Variants in SHC4 observed in about 807,000 individuals in gnomAD.
The protein encoded by SHC4 is SHC-transforming protein 4.
Under a neutral mutation model 69.4 loss-of-function variants are expected in SHC4, and 41 were observed. The observed-to-expected ratio is 0.59, with a 90% CI of 0.46 to 0.77. The LOEUF is 0.77. Among genes scored for constraint, SHC4 ranks in the 30% least tolerant of loss-of-function variants. The pLI, the probability that SHC4 is intolerant of heterozygous loss-of-function variation, is 0.00. For missense variants in SHC4, 777 were observed against 783.8 expected, an observed-to-expected ratio of 0.99 and a Z score of 0.10; for synonymous variants, 318 against 299.3, an observed-to-expected ratio of 1.06 and a Z score of -0.64.
chr15:48,868,786 G>A (rs373278301), intron 5 of SHC4, among the ~76,000 whole-genome samples: 28 of 152,270 alleles, frequency 1.8e-4, no homozygotes, highest in Admixed American at 1.0e-3. Flanking sequence ...AGCATAACTC[G>A]TCTTGGGCAA....
intron 11 of SHC4, among the ~76,000 whole-genome samples, chr15:48,832,107 C>T (rs190889757): frequency 2.6e-5 from 4 of 152,178 alleles, no homozygotes; most frequent in Non-Finnish European, 5.9e-5. Flanking sequence ...CCTGTCTCTA[C>T]TTAAAATACA....
At chr15:48,850,827 G>C (rs975974057) in intron 9 of SHC4, among the ~76,000 whole-genome samples, 1 of 152,186 alleles carries the variant, frequency 6.6e-6, no homozygotes, top group Non-Finnish European at 1.5e-5. Flanking sequence ...GGATCTGACA[G>C]GCATCAATTT....
At chr15:48,945,094 T>C (rs962771408) in intron 1 of SHC4, among the ~76,000 whole-genome samples, 10 of 152,318 alleles carry the variant, frequency 6.6e-5, no homozygotes, top group Middle Eastern at 3.4e-3. Context: ...TGGTAACAGG[T>C]TGTCCTCTCC....
chr15:48,903,804 G>A (rs1440430737), intron 2 of SHC4, among the ~76,000 whole-genome samples: 1 of 152,182 alleles, frequency 6.6e-6, no homozygotes, highest in African/African-American at 2.4e-5. Flanking sequence ...CCAGGCTGGA[G>A]TGGAGTGGCT....
At chr15:48,961,764 C>A (rs8031813) in intron 1 of SHC4, among the ~76,000 whole-genome samples, 99,655 of 152,126 alleles carry the variant, frequency 0.66, 33,087 homozygotes, top group East Asian at 0.83. Flanking sequence ...CATTTGCCCA[C>A]ATCTTGACTG....
At chr15:48,953,115 A>G (rs938730286) in intron 1 of SHC4, among the ~76,000 whole-genome samples, 1 of 152,228 alleles carries the variant, frequency 6.6e-6, no homozygotes, top group East Asian at 1.9e-4. Context: ...TGTCCTTTGC[A>G]GGGACATGGA....
chr15:48,837,368 T>A (rs1415540524), intron 10 of SHC4, among the ~76,000 whole-genome samples: 1 of 152,184 alleles, frequency 6.6e-6, no homozygotes, highest in Non-Finnish European at 1.5e-5. Flanking sequence ...TTTGCTTAAT[T>A]TTAAAAGTTA....
At chr15:48,834,668 C>A in intron 11 of SHC4, 101 bp downstream of exon 11, 1 of 1,504,658 alleles carries the variant, frequency 6.6e-7, no homozygotes, top group Non-Finnish European at 9.0e-7. Flanking sequence ...AAAGCAAATA[C>A]TTAGCCTTGA....
intron 10 of SHC4, among the ~76,000 whole-genome samples, chr15:48,841,855 G>T (rs1898994675): frequency 6.6e-6 from 1 of 152,196 alleles, no homozygotes; most frequent in African/African-American, 2.4e-5. Context: ...TTGTCACCTG[G>T]CTGACAATAA....
intron 2 of SHC4, among the ~76,000 whole-genome samples, chr15:48,901,317 T>G (rs1171516900): frequency 2.0e-5 from 3 of 152,200 alleles, no homozygotes; most frequent in African/African-American, 4.8e-5. Flanking sequence ...CAAAGCTTAT[T>G]AGAGTGTAAT....
chr15:48,850,175 C>A (rs1430599461), intron 9 of SHC4, among the ~76,000 whole-genome samples: 2 of 151,992 alleles, frequency 1.3e-5, no homozygotes, highest in African/African-American at 4.8e-5. Context: ...TGCACTCCAG[C>A]CTGAGCAACA....
At chr15:48,892,896 A>T (rs1042692316) in intron 2 of SHC4, among the ~76,000 whole-genome samples, 2 of 151,844 alleles carry the variant, frequency 1.3e-5, no homozygotes, top group Non-Finnish European at 2.9e-5. Flanking sequence ...ACTATAAATG[A>T]TATGAACTTA....
At chr15:48,854,534 A>C (rs1321577154) in intron 8 of SHC4, among the ~76,000 whole-genome samples, 2 of 152,236 alleles carry the variant, frequency 1.3e-5, no homozygotes, top group East Asian at 3.8e-4. Flanking sequence ...TCATCGCAGC[A>C]CTATTCACAA....
chr15:48,873,751 A>AC (rs1248585146), intron 4 of SHC4, among the ~76,000 whole-genome samples: 1 of 152,178 alleles, frequency 6.6e-6, no homozygotes, highest in East Asian at 1.9e-4. Flanking sequence ...AAAAAAAAAA[A>AC]CAGAAAAATA....
intron 1 of SHC4, among the ~76,000 whole-genome samples, chr15:48,957,829 C>A (rs767751694): frequency 2.6e-5 from 4 of 152,096 alleles, no homozygotes; most frequent in Non-Finnish European, 5.9e-5. Flanking sequence ...AATCCAATGA[C>A]TGATGTTCTT....
chr15:48,933,628 T>G (rs1901013342), intron 1 of SHC4, among the ~76,000 whole-genome samples: 1 of 152,218 alleles, frequency 6.6e-6, no homozygotes, highest in African/African-American at 2.4e-5. Flanking sequence ...GACATTCATC[T>G]GTAATTTCAA....
intron 1 of SHC4, among the ~76,000 whole-genome samples, chr15:48,925,202 G>A (rs1485522067): frequency 6.6e-6 from 1 of 152,214 alleles, no homozygotes; most frequent in Admixed American, 6.5e-5. Context: ...TGTGGGTTCA[G>A]TGGTTAAGAT....
intron 2 of SHC4, among the ~76,000 whole-genome samples, chr15:48,891,113 C>T (rs921930960): frequency 6.6e-6 from 1 of 151,998 alleles, no homozygotes; most frequent in Admixed American, 6.6e-5. Context: ...GATTTTTAAC[C>T]AAAAAGGAGG....
intron 2 of SHC4, among the ~76,000 whole-genome samples, chr15:48,899,784 G>A (rs1900288978): frequency 1.3e-5 from 2 of 152,192 alleles, no homozygotes; most frequent in African/African-American, 2.4e-5. Flanking sequence ...ATTTAGGTAA[G>A]TGGTGATCAA....
Sources: gnomAD v4.1 joint callset for allele counts (sites outside exome capture counted in the v4.1 genomes callset) on GRCh38, gnomAD v4.1.1 for gene constraint, MANE v1.5 for transcripts, NCBI Gene and HGNC (gene_info 2026-07-23, HGNC 2026-07-21) for gene names.